Variants in THNSL2 observed in about 807,000 individuals in gnomAD.
THNSL2 encodes threonine synthase-like 2.
THNSL2 carries 34 observed loss-of-function variants against 40.0 expected under a neutral mutation model. The ratio of observed to expected loss-of-function variants is 0.85; its 90% CI spans 0.65 to 1.13. The LOEUF (loss-of-function observed/expected upper bound fraction) is 1.13. Ranked by LOEUF, THNSL2 falls within the 50% of genes most tolerant of loss-of-function variation. The pLI is 0.00. For missense variants in THNSL2, 537 were observed against 608.8 expected (o/e 0.88, Z 1.24); for synonymous variants, 241 against 247.5 (o/e 0.97, Z 0.25).
chr2:88,170,611 TG>T (rs1676260013), intron 1 of THNSL2, among the ~76,000 whole-genome samples, 155 bp downstream of exon 1: 1 of 152,180 alleles, frequency 6.6e-6, no homozygotes, highest in East Asian at 1.9e-4. Flanking sequence ...CGCTCGGACT[TG>T]AGGAACTTGG....
intron 1 of THNSL2, chr2:88,171,355 G>A (rs113837927): frequency 8.8e-6 from 4 of 456,362 alleles, no homozygotes; most frequent in African/African-American, 6.0e-5. Context: ...TCAGAGCCCC[G>A]TGCCAGCCCC....
intron 4 of THNSL2, among the ~76,000 whole-genome samples, chr2:88,177,324 A>AT (rs1310621254): frequency 1.3e-5 from 2 of 152,120 alleles, no homozygotes; most frequent in Non-Finnish European, 2.9e-5. Flanking sequence ...GCAAATATGT[A>AT]TTTTTCTGTA....
chr2:88,171,416 C>T (rs921978171), intron 1 of THNSL2: 53 of 438,274 alleles, frequency 1.2e-4, no homozygotes, highest in African/African-American at 8.9e-4. Flanking sequence ...CCCAGTGCCC[C>T]AGGTGTGATA....
chr2:88,178,076 G>A (rs1247679956), intron 4 of THNSL2, among the ~76,000 whole-genome samples: 1 of 130,030 alleles, frequency 7.7e-6, no homozygotes, highest in Non-Finnish European at 1.7e-5. Context: ...GACATACTCG[G>A]GTATCAGATA....
chr2:88,177,784 C>T (rs1004973370), intron 4 of THNSL2, among the ~76,000 whole-genome samples: 13 of 152,140 alleles, frequency 8.5e-5, no homozygotes, highest in Non-Finnish European at 1.9e-4. Context: ...CTAACATGTC[C>T]TTGTGGTTCA....
rs760325005 is a variant in THNSL2, at chr2:88,186,001, G to A, written c.1333G>A (p.Glu445Lys). ...GACTCCCGCGGAGATCGTAGCCCTG[G>A]AGCACAAGGAGACACGCTGCACCCT... ...PETPAEIVAL[E>K]HKETRCTLMR... The change falls in exon 9 of 9, where the codon GAG becomes AAG. Residue 445 changes from glutamate (E) to lysine (K), a missense_variant. Transcript: ENST00000674334. The A allele has an allele frequency of 6.2e-7, 1 of 1,611,798 alleles. No individual in the cohort carries two copies.
At chr2:88,172,915 G>A (rs1266093087) in intron 1 of THNSL2, 22 of 366,702 alleles carry the variant, frequency 6.0e-5, no homozygotes, top group Non-Finnish European at 9.7e-5. Context: ...GAAGACAGGA[G>A]GTCAGTGGAA....
intron 5 of THNSL2, 76 bp downstream of exon 5, chr2:88,179,089 C>A: frequency 6.9e-7 from 1 of 1,446,198 alleles, no homozygotes; most frequent in Non-Finnish European, 9.7e-7. Flanking sequence ...TGCCCTTTGG[C>A]TGCAACTGTG....
At chr2:88,176,452 A>ATTAAGTT (rs1398073269) in intron 4 of THNSL2, 3 of 152,132 alleles carry the variant, frequency 2.0e-5, no homozygotes, top group African/African-American at 7.2e-5. Context: ...GGGGACTTGG[A>ATTAAGTT]TTAAGTTTTG....
chr2:88,178,712 G>T lies in THNSL2; in HGVS notation c.572-71G>T, dbSNP rs923176381. Reference sequence around the variant, plus strand: ...GGGCTCAGCCTGGGAGGGCCCTGTCGCAGGTGAGTGCTGACCTCCTGGGGG... The same window carrying T: ...GGGCTCAGCCTGGGAGGGCCCTGTCTCAGGTGAGTGCTGACCTCCTGGGGG... On this transcript the variant is annotated intron_variant, in intron 4 of 8. Coordinates refer to ENST00000674334, the MANE Select transcript of THNSL2 (RefSeq NM_018271.5). The T allele has an allele frequency of 1.9e-6, 3 of 1,543,642 alleles. No individual in the cohort carries two copies. In the South Asian group the frequency reaches 3.4e-5, roughly 17 times the overall value.
chr2:88,173,455 T>G, intron 2 of THNSL2, 82 bp downstream of exon 2: 1 of 1,054,522 alleles, frequency 9.5e-7, no homozygotes, highest in Non-Finnish European at 1.3e-6. Context: ...ACCAAACCAC[T>G]AGGAAGTCTC....
In THNSL2 at chr2:88,175,443, C is replaced by CT. The variant is rs776468121; in HGVS notation, c.571+42_571+43insT. 1.1e-5 allele frequency: 17 copies of CT among 1,598,482 alleles called. No homozygotes were observed. The East Asian group carries it at 2.2e-4, about 21-fold the overall frequency. On this transcript the variant is annotated intron_variant, in intron 4 of 8. Coordinates refer to ENST00000674334, the MANE Select transcript of THNSL2 (RefSeq NM_018271.5). ...AGGCTCTAGGGACAGTGCAGCCCTG[C>CT]CTTAATTGGGTTTGCTTTGGGAGAT...
At position 88,178,931 on chromosome 2, in the gene THNSL2, C is replaced by T; in HGVS notation, c.720C>T (p.Phe240=). Residue 240 remains phenylalanine (F), a synonymous_variant, in exon 5 of 9, where the codon TTC becomes TTT. Transcript: ENST00000674334. ...VQMAHHFFAY[F]QCTPSLDTHP... ...TGGCCCATCACTTCTTTGCTTACTTCCAGTGTACGCCATCCTTGGACACAC... is the reference window on the plus strand; with the variant it reads ...TGGCCCATCACTTCTTTGCTTACTTTCAGTGTACGCCATCCTTGGACACAC... 6.2e-7 allele frequency: 1 copy of T among 1,614,242 alleles called. No individual in the cohort carries two copies. Among genetic ancestry groups the T allele is most frequent in the Non-Finnish European group, 8.5e-7 (1 of 1,180,052 alleles).
At chr2:88,174,324 A>G (rs1446088276) in intron 2 of THNSL2, among the ~76,000 whole-genome samples, 1 of 152,194 alleles carries the variant, frequency 6.6e-6, no homozygotes, top group Non-Finnish European at 1.5e-5. Context: ...TAGCTATTTA[A>G]TTGACCCCTG....
At position 88,185,916 on chromosome 2, in the gene THNSL2, C is replaced by T. The variant is rs1453531854; in HGVS notation, c.1248C>T (p.Leu416=). ...CCCACAGCACTCCCCGGTGCTGCCT[C>T]GCCCCTGCCTCTGCAGCCAAGTTCC... is the stretch of plus-strand genomic sequence containing the variant. ...RQQPSTPRCC[L]APASAAKFPE... is the part of the protein sequence containing the mutation. The change falls in exon 9 of 9, where the codon CTC becomes CTT. Residue 416 remains leucine (L), a synonymous_variant. Transcript: ENST00000674334. 6.8e-6 allele frequency: 11 copies of T among 1,607,244 alleles called. No homozygotes were observed. The highest frequency in any genetic ancestry group is 2.2e-5 in the East Asian group (1 of 44,666).
chr2:88,186,255 G>C lies in THNSL2; in HGVS notation c.*132G>C. ...GGCTGCTCAGCTGGATCTGGAGCCA[G>C]CTGGCTTTGCTCCGTTCCCTGGCTA... is the stretch of plus-strand genomic sequence containing the variant. On this transcript the variant is annotated 3_prime_UTR_variant, in exon 9 of 9. Transcript: ENST00000674334. 1.1e-6 allele frequency: 1 copy of C among 904,562 alleles called. No homozygotes were observed. Among genetic ancestry groups the C allele is most frequent in the Non-Finnish European group, 1.7e-6 (1 of 585,018 alleles). 56.0% of individuals were successfully genotyped at this position (904,562 alleles called of 1,614,324 possible).
Position 88,174,795 on chromosome 2 carries a change from TC to T in THNSL2, c.382del (p.Leu128TrpfsTer12), listed in dbSNP as rs1402039751. The T allele has an allele frequency of 3.1e-6, 5 of 1,614,064 alleles. No homozygotes were observed. Among genetic ancestry groups the T allele is most frequent in the African/African-American group, 1.3e-5 (1 of 74,920 alleles). ...TGCACAACACAGTTCCTGCAGTACT[TC>T]CTGGAGAAGAGGGAGAAGCACGTCA... ...LSCTTQFLQY[F>X]LEKREKHVTV... is the part of the protein sequence containing the mutation. On this transcript the variant is annotated frameshift_variant, in exon 3 of 9. Coordinates refer to ENST00000674334, the MANE Select transcript of THNSL2 (RefSeq NM_018271.5). LOFTEE classifies it high-confidence loss of function.
chr2:88,173,027 C>T, intron 1 of THNSL2, 112 bp from the exon 2 acceptor site: 1 of 606,902 alleles, frequency 1.6e-6, no homozygotes, highest in Non-Finnish European at 2.8e-6. Flanking sequence ...GGACATGTGC[C>T]CCGGAGACTG....
intron 1 of THNSL2, chr2:88,171,822 C>T (rs1676406550): frequency 6.5e-6 from 1 of 153,272 alleles, no homozygotes; most frequent in South Asian, 2.0e-4. Flanking sequence ...CTGGCTTATA[C>T]CATTGTCCCA....
Sources: allele counts gnomAD v4.1 joint callset (sites outside exome capture counted in the v4.1 genomes callset), GRCh38; gene constraint gnomAD v4.1.1; transcripts MANE v1.5; gene names NCBI Gene and HGNC (gene_info 2026-07-23, HGNC 2026-07-21).